The following STK32B variants were observed in gnomAD, a reference collection of about 807,000 sequenced individuals.
The protein encoded by STK32B is serine/threonine kinase 32B.
Under a neutral mutation model 52.6 loss-of-function variants are expected in STK32B, and 43 were observed. The ratio of observed to expected loss-of-function variants is 0.82; its 90% CI spans 0.64 to 1.05. The LOEUF (loss-of-function observed/expected upper bound fraction) is 1.05. STK32B is among the 50% of genes least tolerant of loss of function. The pLI is 0.00. For missense variants in STK32B, 621 were observed against 534.6 expected, an observed-to-expected ratio of 1.16 and a Z score of -1.59; for synonymous variants, 238 against 204.3, an observed-to-expected ratio of 1.17 and a Z score of -1.41.
chr4:5,298,260 G>C (rs1729334783), intron 3 of STK32B, among the ~76,000 whole-genome samples: 1 of 152,212 alleles, frequency 6.6e-6, no homozygotes, highest in East Asian at 1.9e-4. Context: ...GAGGCACAGG[G>C]GTTAGGGACT....
chr4:5,078,081 A>G (rs536947906), intron 1 of STK32B, among the ~76,000 whole-genome samples: 2 of 152,026 alleles, frequency 1.3e-5, no homozygotes, highest in Non-Finnish European at 2.9e-5. Context: ...ACAAATCCCC[A>G]TACGATAGTG....
chr4:5,415,033 T>C (rs1190814195), intron 5 of STK32B, among the ~76,000 whole-genome samples: 1 of 152,208 alleles, frequency 6.6e-6, no homozygotes, highest in Non-Finnish European at 1.5e-5. Flanking sequence ...CAACATACAC[T>C]CACCTTCACA....
chr4:5,309,679 A>G lies in STK32B; in HGVS notation c.261-21541A>G, dbSNP rs1577323750. On this transcript the variant is annotated intron_variant, in intron 3 of 11. Coordinates refer to ENST00000282908, the MANE Select transcript of STK32B (RefSeq NM_018401.3). ...ATGGTGCCAAAAATACTGAATATTC[A>G]TTTGCAGAAAATGAACCTAGACACC... Among the ~76,000 whole-genome samples, 7 of 152,306 alleles carry G rather than the reference A, an allele frequency of 4.6e-5. 1 individual carries two copies. In the South Asian group the frequency reaches 1.4e-3, roughly 32 times the overall value.
intron 1 of STK32B, among the ~76,000 whole-genome samples, chr4:5,102,418 T>C (rs1713836384): frequency 6.6e-6 from 1 of 151,886 alleles, no homozygotes; most frequent in Non-Finnish European, 1.5e-5. Context: ...GTTCTTTCTT[T>C]CCTTCTTCTC....
At chr4:5,462,682 G>GGGT (rs1717129970) in intron 9 of STK32B, among the ~76,000 whole-genome samples, 1 of 152,150 alleles carries the variant, frequency 6.6e-6, no homozygotes, top group Non-Finnish European at 1.5e-5. Context: ...CCCCCACTGC[G>GGGT]GGTCGACCTT....
chr4:5,194,697 G>T (rs1216454324), intron 3 of STK32B, among the ~76,000 whole-genome samples: 1 of 152,186 alleles, frequency 6.6e-6, no homozygotes, highest in Non-Finnish European at 1.5e-5. Flanking sequence ...ATAAAGAAAA[G>T]AAGTTTAATT....
At chr4:5,123,648 G>A (rs1275426551) in intron 1 of STK32B, among the ~76,000 whole-genome samples, 1 of 152,138 alleles carries the variant, frequency 6.6e-6, no homozygotes, top group East Asian at 1.9e-4. Context: ...CACCCTGGGT[G>A]CATCTGTGTT....
chr4:5,184,331 G>A (rs901567050), intron 3 of STK32B, among the ~76,000 whole-genome samples: 1 of 152,124 alleles, frequency 6.6e-6, no homozygotes, highest in African/African-American at 2.4e-5. Context: ...AACCAGCGAT[G>A]GAGCATTCAG....
intron 3 of STK32B, among the ~76,000 whole-genome samples, chr4:5,290,731 A>G (rs1728847390): frequency 1.3e-5 from 2 of 150,254 alleles, no homozygotes; most frequent in East Asian, 2.0e-4. Context: ...ACTGAAAACT[A>G]TAAAACAGCA....
At chr4:5,368,002 G>A (rs186636426) in intron 4 of STK32B, among the ~76,000 whole-genome samples, 1 of 152,282 alleles carries the variant, frequency 6.6e-6, no homozygotes, top group Non-Finnish European at 1.5e-5. Context: ...TGAAATGTGA[G>A]TGTGGAGGTC....
chr4:5,338,266 G>A (rs1225586183), intron 4 of STK32B, among the ~76,000 whole-genome samples: 1 of 151,972 alleles, frequency 6.6e-6, no homozygotes, highest in Admixed American at 6.6e-5. Flanking sequence ...AGGAGAAGGA[G>A]AATAGTAGTA....
chr4:5,249,429 TCCTTCCTACCTA>T lies in STK32B; in HGVS notation c.260+80987_260+80998del, dbSNP rs1425511458. ...GTCTTCCTGCCTGTCTGTTCTTCCT[TCCTTCCTACCTA>T]CCTTCCTTCCTTCCTTCCTTCCTTC... On this transcript the variant is annotated intron_variant, in intron 3 of 11. Transcript: ENST00000282908. Among the ~76,000 whole-genome samples the T allele has an allele frequency of 4.2e-3, 393 of 94,190 alleles. 2 individuals are homozygous for T. The highest frequency in any genetic ancestry group is 0.015 in the African/African-American group (370 of 24,520). 61.8% of individuals were successfully genotyped at this position (94,190 alleles called of 152,430 possible).
At chr4:5,142,137 C>A (rs1001721246) in intron 2 of STK32B, among the ~76,000 whole-genome samples, 3 of 152,202 alleles carry the variant, frequency 2.0e-5, no homozygotes, top group Non-Finnish European at 2.9e-5. Flanking sequence ...GTCCAATACA[C>A]TAACTATCCT....
chr4:5,114,701 C>G (rs1471256437), intron 1 of STK32B, among the ~76,000 whole-genome samples: 1 of 152,140 alleles, frequency 6.6e-6, no homozygotes, highest in Non-Finnish European at 1.5e-5. Context: ...CAACTCGCTC[C>G]CGTCTTCCAA....
chr4:5,155,384 T>TAGC (rs1717733320), intron 2 of STK32B, among the ~76,000 whole-genome samples: 1 of 152,214 alleles, frequency 6.6e-6, no homozygotes, highest in Non-Finnish European at 1.5e-5. Context: ...GCAGCAATGT[T>TAGC]TCCTCTTGTT....
At chr4:5,443,007 A>C (rs1190687800) in intron 6 of STK32B, among the ~76,000 whole-genome samples, 1 of 151,168 alleles carries the variant, frequency 6.6e-6, no homozygotes, top group Non-Finnish European at 1.5e-5. Flanking sequence ...TTTGAGGGTA[A>C]CCCGACCTTT....
chr4:5,122,812 C>A (rs887802605), intron 1 of STK32B, among the ~76,000 whole-genome samples: 3 of 152,138 alleles, frequency 2.0e-5, no homozygotes, highest in African/African-American at 7.2e-5. Context: ...TCCCTTGCTG[C>A]ACTCTCCTGC....
At position 5,159,524 on chromosome 4, in the gene STK32B, G is replaced by GT. The variant is rs1718163168; in HGVS notation, c.109-8775_109-8774insT. On this transcript the variant is annotated intron_variant, in intron 2 of 11. Transcript: ENST00000282908. The stretch of plus-strand genomic sequence containing the variant: ...TATATGAATATATATATGAATATAT[G>GT]ATATATATGTATATATGTATATATA... 4.8e-5 allele frequency among the ~76,000 whole-genome samples: 6 copies of GT among 124,056 alleles called. No homozygotes were observed. The South Asian group carries it at 9.9e-4, about 20-fold the overall frequency. The allele number at this position is 124,056 out of a possible 152,430, so 81.4% of individuals were successfully genotyped here. A position where few individuals can be genotyped will look rare whatever the true frequency, so the allele number is the denominator to read the frequency against.
At chr4:5,172,972 T>A (rs1425420236) in intron 3 of STK32B, among the ~76,000 whole-genome samples, 2 of 152,224 alleles carry the variant, frequency 1.3e-5, no homozygotes, top group African/African-American at 4.8e-5. Context: ...TATTAATTAT[T>A]GCCTCAATTT....
Sources: gnomAD v4.1 joint callset for allele counts (sites outside exome capture counted in the v4.1 genomes callset) on GRCh38, gnomAD v4.1.1 for gene constraint, MANE v1.5 for transcripts, NCBI Gene and HGNC (gene_info 2026-07-23, HGNC 2026-07-21) for gene names.